HECTD4: variants seen among roughly 807,000 people sequenced by gnomAD.
The protein encoded by HECTD4 is HECT domain E3 ubiquitin protein ligase 4.
In HECTD4, 114 loss-of-function variants were observed where a neutral mutation model predicts 471.5. The observed-to-expected ratio is 0.24, with a 90% CI of 0.21 to 0.28. The LOEUF is 0.28. Ranked by LOEUF, HECTD4 falls within the 10% of genes least tolerant of loss-of-function variation. HECTD4 has a pLI of 1.00. For synonymous variants in HECTD4, 2,012 were observed against 2,256.0 expected, an observed-to-expected ratio of 0.89 and a Z score of 3.07; for missense variants, 3,866 against 5,651.5, an observed-to-expected ratio of 0.68 and a Z score of 10.13.
rs925710343 is a variant in HECTD4, at chr12:112,184,080, A to G, written c.10779+107T>C. Reference sequence around the variant, plus strand: ...CAAGGGCTGCCCCAGGGAGCCCCCAACCGCTCCACCATTACCTACTAGGAA... The same window carrying G: ...CAAGGGCTGCCCCAGGGAGCCCCCAGCCGCTCCACCATTACCTACTAGGAA... On this transcript the variant is annotated intron_variant, in intron 61 of 75. Coordinates refer to ENST00000682272, the MANE Select transcript of HECTD4 (RefSeq NM_001388303.1). This position sits in a 1 kb window ranked among gnomAD's most constrained non-coding sequence, Gnocchi z 9.1. 7.9e-6 allele frequency: 9 copies of G among 1,137,942 alleles called. No homozygotes were observed. The highest frequency in any genetic ancestry group is 2.2e-4 in the Middle Eastern group (1 of 4,626). The allele number at this position is 1,137,942 out of a possible 1,614,324, so 70.5% of individuals were successfully genotyped here. A position where few individuals can be genotyped will look rare whatever the true frequency, so the allele number is the denominator to read the frequency against.
chr12:112,270,262 T>C lies in HECTD4; in HGVS notation c.2140A>G (p.Thr714Ala). ...ACGAGAATGCAGCGTATAATACAGGTATCTCCATTAACCATGGCCTTCTCC... is the reference window on the plus strand; with the variant it reads ...ACGAGAATGCAGCGTATAATACAGGCATCTCCATTAACCATGGCCTTCTCC... Reference protein sequence around the residue: ...IMEKAMVNGDTCIIRCILVVF... With the variant: ...IMEKAMVNGDACIIRCILVVF... Residue 714 changes from threonine to alanine, a missense_variant, in exon 12 of 76, where the codon ACC becomes GCC. Transcript: ENST00000682272. 3 of 1,613,810 alleles carry C rather than the reference T, an allele frequency of 1.9e-6. No individual in the cohort carries two copies. The highest frequency in any genetic ancestry group is 2.2e-5 in the South Asian group (2 of 91,082).
At chr12:112,291,437 C>T (rs1423581740) in intron 7 of HECTD4, among the ~76,000 whole-genome samples, 1 of 152,062 alleles carries the variant, frequency 6.6e-6, no homozygotes, top group East Asian at 1.9e-4. Flanking sequence ...CCAATTTTCT[C>T]AAAAATACTT....
chr12:112,270,162 G>A, intron 12 of HECTD4, 65 bp downstream of exon 12: 1 of 1,409,952 alleles, frequency 7.1e-7, no homozygotes, highest in South Asian at 1.2e-5. Flanking sequence ...AAATGAACTG[G>A]CTGAAGCCAA....
intron 40 of HECTD4, among the ~76,000 whole-genome samples, chr12:112,230,223 T>C (rs1166990091): frequency 6.6e-6 from 1 of 151,898 alleles, no homozygotes; most frequent in Non-Finnish European, 1.5e-5. Context: ...ATTTGAAGAG[T>C]GGCTGTGGAA....
At chr12:112,380,577 T>A (rs2036868218) in intron 1 of HECTD4, among the ~76,000 whole-genome samples, 1 of 151,990 alleles carries the variant, frequency 6.6e-6, no homozygotes, top group Non-Finnish European at 1.5e-5. Context: ...GATAAGACAC[T>A]CAGACACACC....
intron 55 of HECTD4, among the ~76,000 whole-genome samples, chr12:112,199,706 TG>T (rs2032354946): frequency 6.6e-6 from 1 of 152,234 alleles, no homozygotes; most frequent in Non-Finnish European, 1.5e-5. Context: ...GCACATGCCT[TG>T]AACACCTTCT....
Position 112,210,106 on chromosome 12 carries a change from G to A in HECTD4, c.7776C>T (p.Asp2592=). ...TACTGGTGCCAGCATCATTGTCACT[G>A]TCAGATGCCATGGCGAAAGGCAGGG... ...FEALPFAMAS[D]SDNDAGTSIA... is the part of the protein sequence containing the mutation. Residue 2592 remains aspartate (D), a synonymous_variant, in exon 50 of 76, where the codon GAC becomes GAT. Coordinates refer to ENST00000682272, the MANE Select transcript of HECTD4 (RefSeq NM_001388303.1). 1 of 1,614,006 alleles carries A rather than the reference G, an allele frequency of 6.2e-7. No individual in the cohort carries two copies. Among genetic ancestry groups the A allele is most frequent in the African/African-American group, 1.3e-5 (1 of 75,038 alleles).
chr12:112,378,786 G>A (rs180924115), intron 1 of HECTD4, among the ~76,000 whole-genome samples: 1 of 152,310 alleles, frequency 6.6e-6, no homozygotes, highest in Admixed American at 6.5e-5. Flanking sequence ...GCTCACGCCT[G>A]TAATCCCAGA....
chr12:112,170,827 T>C (rs2031186313), intron 68 of HECTD4: 2 of 462,984 alleles, frequency 4.3e-6, no homozygotes, highest in Non-Finnish European at 7.6e-6. Flanking sequence ...TTCTGGGATG[T>C]AGGGATGTGG....
chr12:112,194,172 G>A lies in HECTD4; in HGVS notation c.8750-498C>T, dbSNP rs1191324397. 6.6e-6 allele frequency among the ~76,000 whole-genome samples: 1 copy of A among 152,224 alleles called. No individual in the cohort carries two copies. The highest frequency in any genetic ancestry group is 1.9e-4 in the East Asian group (1 of 5,202). ...GGACCCCAGGCGCTCATATGGACCA[G>A]TAGCGATGTAGTGCACACATACCCT... On this transcript the variant is annotated intron_variant, in intron 56 of 75. Transcript: ENST00000682272. This position sits in a 1 kb window ranked among gnomAD's most constrained non-coding sequence, Gnocchi z 4.6.
intron 1 of HECTD4, among the ~76,000 whole-genome samples, chr12:112,374,212 C>A (rs970861817): frequency 5.3e-5 from 8 of 152,024 alleles, no homozygotes; most frequent in Non-Finnish European, 1.2e-4. Flanking sequence ...GTAGTCCCAG[C>A]TACTCAGGAG....
chr12:112,376,580 C>T (rs1039350990), intron 1 of HECTD4, among the ~76,000 whole-genome samples: 2 of 152,198 alleles, frequency 1.3e-5, no homozygotes, highest in African/African-American at 4.8e-5. Flanking sequence ...ATAGTAAGAT[C>T]CAAAGCCCTC....
intron 52 of HECTD4, 73 bp from the exon 53 acceptor site, chr12:112,204,696 T>G: frequency 8.7e-7 from 1 of 1,150,080 alleles, no homozygotes; most frequent in Non-Finnish European, 1.3e-6. Flanking sequence ...GACTTACATG[T>G]AGAGTGAAAT....
At chr12:112,227,347 C>T (rs1403264572) in intron 43 of HECTD4, among the ~76,000 whole-genome samples, 1 of 152,020 alleles carries the variant, frequency 6.6e-6, no homozygotes, top group Non-Finnish European at 1.5e-5. Context: ...GTAATCCCAG[C>T]TACTCAGGAG....
Position 112,236,992 on chromosome 12 carries a change from C to A in HECTD4, c.5397G>T (p.Gly1799=). Residue 1799 remains glycine, a synonymous_variant, in exon 35 of 76, where the codon GGG becomes GGT. Transcript: ENST00000682272. ...ATECCGNQAA[G]NDALQDVLSL... The stretch of plus-strand genomic sequence containing the variant: ...TAAGGACATCCTGGAGCGCGTCATT[C>A]CCAGCAGCCTGGTTGCCACAGCACT... The A allele has an allele frequency of 6.2e-7, 1 of 1,612,792 alleles. No homozygotes were observed. Among genetic ancestry groups the A allele is most frequent in the Non-Finnish European group, 8.5e-7 (1 of 1,179,506 alleles).
intron 1 of HECTD4, among the ~76,000 whole-genome samples, chr12:112,367,862 T>C (rs2036597815): frequency 7.8e-6 from 1 of 128,008 alleles, no homozygotes; most frequent in Admixed American, 8.6e-5. Flanking sequence ...TAACACGTCA[T>C]AGAGATAGAA....
intron 52 of HECTD4, among the ~76,000 whole-genome samples, chr12:112,207,201 T>C (rs2032617004): frequency 6.6e-6 from 1 of 152,214 alleles, no homozygotes; most frequent in African/African-American, 2.4e-5. Context: ...TGGAGTGCAG[T>C]GGCACAATCT....
intron 1 of HECTD4, among the ~76,000 whole-genome samples, chr12:112,351,412 C>G (rs1201283756): frequency 6.6e-6 from 1 of 152,162 alleles, no homozygotes; most frequent in African/African-American, 2.4e-5. Flanking sequence ...GCTTCCTTCT[C>G]CTATCTCAAA....
chr12:112,205,311 G>C (rs2032543114), intron 52 of HECTD4, among the ~76,000 whole-genome samples: 1 of 152,038 alleles, frequency 6.6e-6, no homozygotes, highest in Non-Finnish European at 1.5e-5. Flanking sequence ...GCAGGTGCCT[G>C]TAATCCCAGC....
Sources: allele counts gnomAD v4.1 joint callset (sites outside exome capture counted in the v4.1 genomes callset), GRCh38; gene constraint gnomAD v4.1.1; non-coding constraint Gnocchi (gnomAD v3.1); transcripts MANE v1.5; gene names NCBI Gene and HGNC (gene_info 2026-07-23, HGNC 2026-07-21).